TSKS: variants seen among roughly 807,000 people sequenced by gnomAD.
TSKS encodes testis specific serine kinase substrate.
In TSKS, 27 loss-of-function variants were observed where a neutral mutation model predicts 68.0. The observed-to-expected ratio is 0.40, with a 90% CI of 0.29 to 0.55. The LOEUF (loss-of-function observed/expected upper bound fraction) is 0.55, where lower values mean the gene tolerates loss of function less well. Among genes scored for constraint, TSKS ranks in the 20% least tolerant of loss-of-function variants. TSKS has a pLI of 0.53. For missense variants in TSKS, 806 were observed against 776.0 expected, an observed-to-expected ratio of 1.04 and a Z score of -0.46; for synonymous variants, 331 against 340.4, an observed-to-expected ratio of 0.97 and a Z score of 0.30.
At chr19:49,740,384 G>T in intron 9 of TSKS, 1 of 622,730 alleles carries the variant, frequency 1.6e-6, no homozygotes, top group Non-Finnish European at 2.7e-6. Context: ...GACTAAATCT[G>T]TGTCTGTCCT....
chr19:49,748,199 AGGACACGAGG>A (rs1393134311), intron 3 of TSKS, 31 bp from the exon 4 acceptor site: 1 of 1,610,586 alleles, frequency 6.2e-7, no homozygotes, highest in Non-Finnish European at 8.5e-7. Context: ...AGGTTAGCCA[AGGACACGAGG>A]GGACAGCCTG....
chr19:49,748,042 C>T, intron 4 of TSKS, 43 bp downstream of exon 4: 3 of 1,579,014 alleles, frequency 1.9e-6, no homozygotes, highest in Non-Finnish European at 2.6e-6. Context: ...CTTCTTACTC[C>T]CATTCCCCTC....
rs756127069 is a variant in TSKS, at chr19:49,748,215, G to A, written c.496-47C>T. On this transcript the variant is annotated intron_variant, in intron 3 of 10. Coordinates refer to ENST00000246801, the MANE Select transcript of TSKS (RefSeq NM_021733.2). ...GGTTAGCCAAGGACACGAGGGGACA[G>A]CCTGTGGAAAAGAAGATCTGGGCCT... is the stretch of plus-strand genomic sequence containing the variant. 79 of 1,601,924 alleles carry A rather than the reference G, an allele frequency of 4.9e-5. No individual in the cohort carries two copies. In the East Asian group the frequency reaches 1.7e-3, roughly 33 times the overall value.
chr19:49,749,925 CTTTT>C (rs1361242487), intron 2 of TSKS, among the ~76,000 whole-genome samples: 1 of 151,792 alleles, frequency 6.6e-6, no homozygotes, highest in East Asian at 1.9e-4. Flanking sequence ...TTTTCTCTCT[CTTTT>C]ATTTATTTTT....
intron 2 of TSKS, among the ~76,000 whole-genome samples, chr19:49,759,739 G>A (rs867932291): frequency 2.6e-5 from 4 of 152,094 alleles, no homozygotes; most frequent in Middle Eastern, 3.4e-3. Context: ...GGAGGTCAAG[G>A]TGGAAAGATC....
At chr19:49,744,514 C>A (rs778039424) in intron 7 of TSKS, 110 bp from the exon 8 acceptor site, 5 of 1,104,584 alleles carry the variant, frequency 4.5e-6, no homozygotes, top group Non-Finnish European at 6.6e-6. Flanking sequence ...GTCAGCAATT[C>A]TCCACCCTGC....
intron 9 of TSKS, 139 bp downstream of exon 9, chr19:49,741,746 C>A: frequency 1.7e-6 from 2 of 1,178,008 alleles, no homozygotes; most frequent in Non-Finnish European, 2.4e-6. Context: ...AGGGCCAAGT[C>A]CTCCCCCAGT....
intron 9 of TSKS, among the ~76,000 whole-genome samples, chr19:49,741,578 T>G (rs560552480): frequency 3.6e-4 from 55 of 152,258 alleles, no homozygotes; most frequent in African/African-American, 1.3e-3. Flanking sequence ...CAGGCCTATG[T>G]TCCATGAAGC....
chr19:49,747,540 T>C (rs1233789257), intron 4 of TSKS, 68 bp from the exon 5 acceptor site: 6 of 1,517,884 alleles, frequency 4.0e-6, no homozygotes, highest in Non-Finnish European at 4.6e-6. Flanking sequence ...CCTTAGCCTG[T>C]CTGTTTCCAT....
chr19:49,748,512 G>A (rs949059123), intron 2 of TSKS, 43 bp from the exon 3 acceptor site: 3 of 1,577,830 alleles, frequency 1.9e-6, no homozygotes, highest in Non-Finnish European at 2.6e-6. Context: ...GGTATGTGGG[G>A]GCAAGCCCCA....
At chr19:49,744,190 C>T in intron 8 of TSKS, 41 bp downstream of exon 8, 1 of 1,594,242 alleles carries the variant, frequency 6.3e-7, no homozygotes, top group Non-Finnish European at 8.6e-7. Context: ...CCTTTAATGT[C>T]CTATCCACAA....
rs745901628 is a variant in TSKS at position 49,763,050 on chromosome 19, C to T, written c.170+28G>A. The stretch of plus-strand genomic sequence containing the variant: ...TGGAGGTAGTGCTGGGCATTAGAAC[C>T]ATCCCTGACAGTGTGCAACAAACCC... On this transcript the variant is annotated intron_variant, in intron 1 of 10. Transcript: ENST00000246801. This position sits in a 1 kb window ranked among gnomAD's most constrained non-coding sequence, Gnocchi z 4.5. The T allele has an allele frequency of 6.2e-7, 1 of 1,601,232 alleles. No individual in the cohort carries two copies. The highest frequency in any genetic ancestry group is 8.5e-7 in the Non-Finnish European group (1 of 1,173,784).
At chr19:49,761,704 C>T (rs909269108) in intron 2 of TSKS, among the ~76,000 whole-genome samples, 2 of 152,126 alleles carry the variant, frequency 1.3e-5, no homozygotes, top group Non-Finnish European at 2.9e-5. Context: ...GGGCTCTCGC[C>T]TGTAATCCCA....
intron 5 of TSKS, 182 bp downstream of exon 5, chr19:49,747,207 C>CA: frequency 6.5e-7 from 1 of 1,537,570 alleles, no homozygotes; most frequent in Non-Finnish European, 8.7e-7. Context: ...AAGAGTCCCC[C>CA]ATCTGGGTGT....
chr19:49,740,121 C>T lies in TSKS; in HGVS notation c.1560G>A (p.Arg520=). 3.1e-6 allele frequency: 5 copies of T among 1,614,170 alleles called. No homozygotes were observed. The highest frequency in any genetic ancestry group is 4.2e-6 in the Non-Finnish European group (5 of 1,180,032). Residue 520 remains arginine (R), a synonymous_variant, in exon 10 of 11, where the codon CGG becomes CGA. Coordinates refer to ENST00000246801, the MANE Select transcript of TSKS (RefSeq NM_021733.2). ...VRAEALSSTL[R]LAQDEALRAK... ...CCCGCAGGGCCTCGTCTTGGGCCAG[C>T]CGAAGGGTGGAGCTCAGGGCCTCTG...
chr19:49,746,970 C>T (rs954997438), intron 5 of TSKS, among the ~76,000 whole-genome samples, 172 bp from the exon 6 acceptor site: 3 of 152,204 alleles, frequency 2.0e-5, no homozygotes, highest in African/African-American at 7.2e-5. Context: ...CCATTTGAGG[C>T]CCAGTTGGAC....
chr19:49,747,703 CTCTT>C (rs974440133), intron 4 of TSKS, among the ~76,000 whole-genome samples: 5 of 152,182 alleles, frequency 3.3e-5, no homozygotes, highest in Admixed American at 2.0e-4. Context: ...TCCATTTCTC[CTCTT>C]TCTTTTCTTT....
chr19:49,760,786 C>A (rs999258881), intron 2 of TSKS, among the ~76,000 whole-genome samples: 1 of 150,794 alleles, frequency 6.6e-6, no homozygotes, highest in Non-Finnish European at 1.5e-5. Context: ...CAAGACCCTG[C>A]CTTAAAAATA....
rs2084421824 is a variant in TSKS at position 49,759,463 on chromosome 19, A to G, written c.399+2541T>C. 2.5e-5 allele frequency among the ~76,000 whole-genome samples: 3 copies of G among 118,346 alleles called. No homozygotes were observed. In the South Asian group the frequency reaches 8.4e-4, roughly 33 times the overall value. 77.6% of individuals were successfully genotyped at this position (118,346 alleles called of 152,430 possible). A position where few individuals can be genotyped will look rare whatever the true frequency, so the allele number is the denominator to read the frequency against. ...CAGCCTGGCAACAGAGCGAGACTCC[A>G]TTTCCAAAAAAAAAAAAAAAAAATT... On this transcript the variant is annotated intron_variant, in intron 2 of 10. Transcript: ENST00000246801.
Sources: gnomAD v4.1 joint callset for allele counts (sites outside exome capture counted in the v4.1 genomes callset) on GRCh38, gnomAD v4.1.1 for gene constraint, Gnocchi (gnomAD v3.1) non-coding constraint, MANE v1.5 for transcripts, NCBI Gene and HGNC (gene_info 2026-07-23, HGNC 2026-07-21) for gene names.